Variants in ZBTB20 observed in about 807,000 individuals in gnomAD.
ZBTB20 encodes the protein zinc finger and BTB domain containing 20, also known as zinc finger and BTB domain-containing protein 20.
A neutral mutation model predicts 56.9 loss-of-function variants in ZBTB20; 9 were observed. The observed-to-expected ratio is 0.16, with a 90% CI of 0.10 to 0.28. The LOEUF (loss-of-function observed/expected upper bound fraction) is 0.28. Among genes scored for constraint, ZBTB20 ranks in the 10% least tolerant of loss-of-function variants. The pLI is 1.00. For missense variants in ZBTB20, 655 were observed against 1,003.0 expected, an observed-to-expected ratio of 0.65 and a Z score of 4.69; for synonymous variants, 417 against 420.7, an observed-to-expected ratio of 0.99 and a Z score of 0.11.
intron 2 of ZBTB20, among the ~76,000 whole-genome samples, chr3:115,044,778 C>A (rs1459164269): frequency 6.6e-6 from 1 of 152,212 alleles, no homozygotes; most frequent in Non-Finnish European, 1.5e-5. Flanking sequence ...ATCTGAACTT[C>A]ATTTGCCTCA....
chr3:114,442,968 T>C (rs1450740321), intron 7 of ZBTB20, among the ~76,000 whole-genome samples: 1 of 152,158 alleles, frequency 6.6e-6, no homozygotes, highest in African/African-American at 2.4e-5. Context: ...TTGACCTCAT[T>C]AATACAGAAT....
intron 3 of ZBTB20, among the ~76,000 whole-genome samples, chr3:114,910,070 T>A (rs79649205): frequency 6.6e-6 from 1 of 151,454 alleles, no homozygotes; most frequent in Non-Finnish European, 1.5e-5. Flanking sequence ...AGAAATAAAA[T>A]TAAAAAGAAA....
chr3:114,766,375 A>T (rs2068790126), intron 5 of ZBTB20, among the ~76,000 whole-genome samples: 2 of 152,148 alleles, frequency 1.3e-5, no homozygotes, highest in Admixed American at 6.6e-5. Flanking sequence ...AGTTGAAAAC[A>T]TCTAGTGCAA....
chr3:114,943,330 C>G (rs2076781305), intron 3 of ZBTB20, among the ~76,000 whole-genome samples: 1 of 145,270 alleles, frequency 6.9e-6, no homozygotes, highest in Non-Finnish European at 1.5e-5. Flanking sequence ...ACAAAACACT[C>G]TAAATTTTTA....
At chr3:114,627,124 C>T (rs2058697681) in intron 6 of ZBTB20, among the ~76,000 whole-genome samples, 1 of 152,202 alleles carries the variant, frequency 6.6e-6, no homozygotes, top group South Asian at 2.1e-4. Context: ...CCTACCCACT[C>T]CTAAGCCCTC....
chr3:114,968,349 C>A (rs117967349), intron 3 of ZBTB20, among the ~76,000 whole-genome samples: 1 of 152,068 alleles, frequency 6.6e-6, no homozygotes. Context: ...AAATTATAAC[C>A]TTAAAAAACT....
At chr3:114,627,905 C>T (rs2058733499) in intron 6 of ZBTB20, among the ~76,000 whole-genome samples, 1 of 152,108 alleles carries the variant, frequency 6.6e-6, no homozygotes, top group Non-Finnish European at 1.5e-5. Context: ...CAGTAGAGGA[C>T]GGCAGTAGCA....
chr3:114,899,509 G>C (rs2075022219), intron 4 of ZBTB20, among the ~76,000 whole-genome samples: 1 of 151,784 alleles, frequency 6.6e-6, no homozygotes, highest in Admixed American at 6.6e-5. Context: ...ACATTATCTA[G>C]GGCAGTCAAC....
At chr3:114,781,394 T>A (rs1212282070) in intron 5 of ZBTB20, among the ~76,000 whole-genome samples, 1 of 152,232 alleles carries the variant, frequency 6.6e-6, no homozygotes, top group African/African-American at 2.4e-5. Context: ...ACAAGCCTGT[T>A]AAACATTTTG....
chr3:114,673,328 C>T lies in ZBTB20; in HGVS notation c.-295+20200G>A, dbSNP rs1459281265. Among the ~76,000 whole-genome samples the T allele has an allele frequency of 2.6e-5, 4 of 152,042 alleles. No homozygotes were observed. The East Asian group carries it at 5.8e-4, about 22-fold the overall frequency. On this transcript the variant is annotated intron_variant, in intron 6 of 11. Transcript: ENST00000675478. Reference sequence around the variant, plus strand: ...TTCATTTATGTGACTGTACCTACCCCACAGGGTGATATAAGGATTAATTCC... The same window carrying T: ...TTCATTTATGTGACTGTACCTACCCTACAGGGTGATATAAGGATTAATTCC...
chr3:114,542,046 T>A (rs1028479637), intron 6 of ZBTB20, among the ~76,000 whole-genome samples: 4 of 152,128 alleles, frequency 2.6e-5, no homozygotes, highest in Admixed American at 2.6e-4. Context: ...TATGAAACAA[T>A]GATAATTTAA....
intron 4 of ZBTB20, among the ~76,000 whole-genome samples, chr3:114,886,072 G>T (rs1012954165): frequency 6.6e-6 from 1 of 152,166 alleles, no homozygotes; most frequent in South Asian, 2.1e-4. Context: ...TTCACCTTCT[G>T]CTCCCTCTAC....
intron 7 of ZBTB20, among the ~76,000 whole-genome samples, chr3:114,389,864 G>C (rs1024728225): frequency 7.5e-5 from 10 of 133,116 alleles, no homozygotes; most frequent in African/African-American, 1.5e-4. Flanking sequence ...ACTCCAGCCT[G>C]GCAACAGAGC....
intron 4 of ZBTB20, among the ~76,000 whole-genome samples, chr3:114,802,371 T>G (rs2071781199): frequency 1.3e-5 from 2 of 151,894 alleles, no homozygotes; most frequent in South Asian, 4.1e-4. Flanking sequence ...CTTTTTCTCT[T>G]GAAATGTATA....
chr3:114,990,562 TTC>T (rs1261753625), intron 2 of ZBTB20, among the ~76,000 whole-genome samples: 2 of 152,196 alleles, frequency 1.3e-5, no homozygotes, highest in African/African-American at 4.8e-5. Flanking sequence ...TGGTCTAAAA[TTC>T]TCTTTTTTTG....
chr3:114,350,875 G>C lies in ZBTB20; in HGVS notation c.1203C>G (p.Asp401Glu). 6.2e-7 allele frequency: 1 copy of C among 1,608,684 alleles called. No individual in the cohort carries two copies. The highest frequency in any genetic ancestry group is 8.5e-7 in the Non-Finnish European group (1 of 1,179,970). Residue 401 changes from aspartate to glutamate, a missense_variant, in exon 11 of 12, where the codon GAC becomes GAG. Asp to Glu is a conservative substitution (Grantham distance 45). Around this residue, in one of 10 missense-constraint regions of ZBTB20, gnomAD observed 156 missense variants for 181.0 expected, o/e 0.86. Transcript: ENST00000675478. Reference protein sequence around the residue: ...EQQFGPGAARDSQAEPTQPEQ... With the variant: ...EQQFGPGAARESQAEPTQPEQ... Reference sequence around the variant, plus strand: ...CGGGTTGGGTGGGTTCAGCCTGGCTGTCCCGCGCCGCCCCAGGCCCAAACT... The same window carrying C: ...CGGGTTGGGTGGGTTCAGCCTGGCTCTCCCGCGCCGCCCCAGGCCCAAACT...
At chr3:115,009,071 C>A (rs1294893241) in intron 2 of ZBTB20, among the ~76,000 whole-genome samples, 1 of 151,598 alleles carries the variant, frequency 6.6e-6, no homozygotes, top group Non-Finnish European at 1.5e-5. Context: ...TTTTTAGATC[C>A]TTTGAACATT....
chr3:114,698,708 T>C (rs1439084858), intron 5 of ZBTB20, among the ~76,000 whole-genome samples: 1 of 152,128 alleles, frequency 6.6e-6, no homozygotes, highest in Non-Finnish European at 1.5e-5. Context: ...CAGGAGGTTA[T>C]CCAAAGGAAA....
At chr3:114,609,885 G>A (rs1577935802) in intron 6 of ZBTB20, among the ~76,000 whole-genome samples, 1 of 152,170 alleles carries the variant, frequency 6.6e-6, no homozygotes, top group South Asian at 2.1e-4. Context: ...GGTGAGCATG[G>A]TTTTGAGAGT....
Sources: gnomAD v4.1 joint callset for allele counts (sites outside exome capture counted in the v4.1 genomes callset) on GRCh38, gnomAD v4.1.1 for gene constraint, gnomAD v4.1.1 regional missense constraint, MANE v1.5 for transcripts, NCBI Gene and HGNC (gene_info 2026-07-23, HGNC 2026-07-21) for gene names.